HSF5: variants seen among roughly 807,000 people sequenced by gnomAD.
HSF5 encodes heat shock factor protein 5.
Under a neutral mutation model 50.8 loss-of-function variants are expected in HSF5, and 5 were observed. That is an observed-to-expected ratio of 0.10 (90% CI 0.05 to 0.21). HSF5 has a LOEUF of 0.21. HSF5 is among the 10% of genes least tolerant of loss of function. The probability of loss-of-function intolerance (pLI) is 1.00; values close to 1 mark genes in which losing one functional copy is unlikely to be tolerated. For missense variants in HSF5, 564 were observed against 762.6 expected, an observed-to-expected ratio of 0.74 and a Z score of 3.07; for synonymous variants, 307 against 307.4, an observed-to-expected ratio of 1.00 and a Z score of 0.02.
At position 58,421,262 on chromosome 17, in the gene HSF5, C is replaced by G. The variant is rs1367346722; in HGVS notation, c.*1098G>C. 1 of 152,548 alleles carries G rather than the reference C, an allele frequency of 6.6e-6. No homozygotes were observed. The highest frequency in any genetic ancestry group is 2.4e-5 in the African/African-American group (1 of 41,420). The allele number at this position is 152,548 out of a possible 1,614,324, so 9.4% of individuals were successfully genotyped here. A position where few individuals can be genotyped will look rare whatever the true frequency, so the allele number is the denominator to read the frequency against. On this transcript the variant is annotated 3_prime_UTR_variant, in exon 6 of 6. Coordinates refer to ENST00000323777, the MANE Select transcript of HSF5 (RefSeq NM_001080439.3). Reference sequence around the variant, plus strand: ...AAATGTTACCATCTATCCCATTATCCAAAATTCTCTCAGAAGCTTAAACCA... The same window carrying G: ...AAATGTTACCATCTATCCCATTATCGAAAATTCTCTCAGAAGCTTAAACCA...
chr17:58,427,181 A>G (rs1974307517), intron 5 of HSF5, among the ~76,000 whole-genome samples: 1 of 152,090 alleles, frequency 6.6e-6, no homozygotes, highest in South Asian at 2.1e-4. Flanking sequence ...GCAGGAGGAT[A>G]GCTTGAGCCC....
chr17:58,444,357 T>C (rs979865964), intron 5 of HSF5, among the ~76,000 whole-genome samples: 1 of 152,230 alleles, frequency 6.6e-6, no homozygotes, highest in Non-Finnish European at 1.5e-5. Flanking sequence ...AACAGTGTGC[T>C]ACTGGCATAA....
At chr17:58,443,030 C>G (rs1276285547) in intron 5 of HSF5, among the ~76,000 whole-genome samples, 2 of 151,974 alleles carry the variant, frequency 1.3e-5, no homozygotes, top group African/African-American at 4.8e-5. Flanking sequence ...TGCCTCAGTT[C>G]CCGAGTATCT....
intron 4 of HSF5, among the ~76,000 whole-genome samples, chr17:58,460,050 T>C (rs962769815): frequency 1.3e-5 from 2 of 151,732 alleles, no homozygotes; most frequent in African/African-American, 2.4e-5. Flanking sequence ...CAGGGTCTCA[T>C]TCTGTTGCCC....
chr17:58,435,172 T>C (rs1243078749), intron 5 of HSF5, among the ~76,000 whole-genome samples: 1 of 152,122 alleles, frequency 6.6e-6, no homozygotes, highest in East Asian at 1.9e-4. Context: ...CAGGATATAA[T>C]AGAGTGGCTT....
chr17:58,450,804 G>T (rs992386997), intron 5 of HSF5, among the ~76,000 whole-genome samples: 30 of 149,018 alleles, frequency 2.0e-4, no homozygotes, highest in African/African-American at 7.4e-4. Flanking sequence ...TAATGATAAA[G>T]GAGGCCAGGC....
At chr17:58,427,170 G>A (rs1005003691) in intron 5 of HSF5, among the ~76,000 whole-genome samples, 13 of 152,160 alleles carry the variant, frequency 8.5e-5, no homozygotes, top group Non-Finnish European at 1.0e-4. Context: ...AGGAGGCTGA[G>A]GCAGGAGGAT....
intron 5 of HSF5, among the ~76,000 whole-genome samples, chr17:58,439,118 C>T (rs1044051401): frequency 1.3e-5 from 2 of 150,872 alleles, no homozygotes; most frequent in Non-Finnish European, 1.5e-5. Context: ...CAGAGTGAGA[C>T]CCTGCCTCAA....
At position 58,480,240 on chromosome 17, in the gene HSF5, CGGT is replaced by C; in HGVS notation, c.575_577del (p.His192del). ...AGACAAACTATCTCGACGAAATGAC[CGGT>C]GAAATTGTCCTACAGCCACTGGTCC... On this transcript the variant is annotated inframe_deletion, in exon 2 of 6. Coordinates refer to ENST00000323777, the MANE Select transcript of HSF5 (RefSeq NM_001080439.3). 1 of 1,611,208 alleles carries C rather than the reference CGGT, an allele frequency of 6.2e-7. No individual in the cohort carries two copies. Among genetic ancestry groups the C allele is most frequent in the Non-Finnish European group, 8.5e-7 (1 of 1,178,476 alleles).
At position 58,488,288 on chromosome 17, in the gene HSF5, C is replaced by T. The variant is rs776084875; in HGVS notation, c.-14G>A. On this transcript the variant is annotated 5_prime_UTR_variant, in exon 1 of 6. Transcript: ENST00000323777. This position sits in a 1 kb window ranked among gnomAD's most constrained non-coding sequence, Gnocchi z 4.1. ...CAGCGCCTCCATCGCCCCGCCGGGC[C>T]GGGGCCTCGCCCCCCGAGCCTAGCT... 6.2e-6 allele frequency: 9 copies of T among 1,459,058 alleles called. No homozygotes were observed. The highest frequency in any genetic ancestry group is 2.9e-5 in the South Asian group (2 of 69,804). 90.4% of individuals were successfully genotyped at this position (1,459,058 alleles called of 1,614,324 possible).
chr17:58,441,877 T>C (rs1279456173), intron 5 of HSF5, among the ~76,000 whole-genome samples: 1 of 152,260 alleles, frequency 6.6e-6, no homozygotes, highest in African/African-American at 2.4e-5. Flanking sequence ...CCTATTTTTC[T>C]CTTTTTTGAG....
chr17:58,463,894 T>C, intron 3 of HSF5, among the ~76,000 whole-genome samples: 1 of 152,268 alleles, frequency 6.6e-6, no homozygotes, highest in Non-Finnish European at 1.5e-5. Flanking sequence ...CTTTAAGATA[T>C]ATTCCCTTGT....
intron 2 of HSF5, among the ~76,000 whole-genome samples, chr17:58,471,076 G>A (rs1353371108): frequency 6.6e-6 from 1 of 152,162 alleles, no homozygotes; most frequent in Non-Finnish European, 1.5e-5. Flanking sequence ...TCTCTAATAG[G>A]GAGTTAGTGG....
intron 2 of HSF5, among the ~76,000 whole-genome samples, chr17:58,479,687 C>T (rs969118531): frequency 3.9e-5 from 6 of 152,134 alleles, no homozygotes; most frequent in African/African-American, 9.7e-5. Flanking sequence ...TATACATCAA[C>T]AAAATTTTCA....
chr17:58,466,903 T>C lies in HSF5; in HGVS notation c.1002A>G (p.Ala334=). Residue 334 remains alanine (A), a synonymous_variant, in exon 3 of 6, where the codon GCA becomes GCG. Coordinates refer to ENST00000323777, the MANE Select transcript of HSF5 (RefSeq NM_001080439.3). ...SCVTPTASSY[A]HCNYFQNPSM... Reference sequence around the variant, plus strand: ...ATCTTACCTGGAAGTAGTTGCAGTGTGCATAGGAAGAGGCAGTGGGAGTGA... The same window carrying C: ...ATCTTACCTGGAAGTAGTTGCAGTGCGCATAGGAAGAGGCAGTGGGAGTGA... 6.2e-7 allele frequency: 1 copy of C among 1,602,566 alleles called. No individual in the cohort carries two copies.
chr17:58,448,795 T>G (rs1243989721), intron 5 of HSF5, among the ~76,000 whole-genome samples: 1 of 152,170 alleles, frequency 6.6e-6, no homozygotes, highest in Non-Finnish European at 1.5e-5. Flanking sequence ...ACAGAGACAT[T>G]CAGAATACCC....
At chr17:58,477,695 C>T (rs1393510186) in intron 2 of HSF5, among the ~76,000 whole-genome samples, 4 of 152,094 alleles carry the variant, frequency 2.6e-5, no homozygotes, top group African/African-American at 4.8e-5. Context: ...CTCCTGACCT[C>T]GTGATCTGCC....
In HSF5 at chr17:58,487,996, C is replaced by T. The variant is rs1975215459; in HGVS notation, c.279G>A (p.Val93=). Residue 93 remains valine, a synonymous_variant, in exon 1 of 6, where the codon GTG becomes GTA. Coordinates refer to ENST00000323777, the MANE Select transcript of HSF5 (RefSeq NM_001080439.3). The stretch of plus-strand genomic sequence containing the variant: ...GTTTGCCGCCCCCCGGCCCGCCCAG[C>T]ACCACCTTGCGGAAGCCGTAGAGGT... ...QLNLYGFRKV[V]LGGPGGGKPA... 6.2e-7 allele frequency: 1 copy of T among 1,609,866 alleles called. No individual in the cohort carries two copies. The highest frequency in any genetic ancestry group is 2.2e-5 in the East Asian group (1 of 44,690).
rs1385708793 is a variant in HSF5, at chr17:58,476,628, C to A, written c.925+3265G>T. On this transcript the variant is annotated intron_variant, in intron 2 of 5. Coordinates refer to ENST00000323777, the MANE Select transcript of HSF5 (RefSeq NM_001080439.3). ...CGAATTCTGTCACTTCAACTCTGGT[C>A]AAATAATGCAGTGCCTCTTCGTCCT... 5.2e-6 allele frequency: 8 copies of A among 1,548,646 alleles called. No individual in the cohort carries two copies. In the East Asian group the frequency reaches 1.8e-4, roughly 35 times the overall value.
Sources: gnomAD v4.1 joint callset for allele counts (sites outside exome capture counted in the v4.1 genomes callset) on GRCh38, gnomAD v4.1.1 for gene constraint, Gnocchi (gnomAD v3.1) non-coding constraint, MANE v1.5 for transcripts, NCBI Gene and HGNC (gene_info 2026-07-23, HGNC 2026-07-21) for gene names.